Variants in TNKS observed in about 807,000 individuals in gnomAD.
TNKS encodes tankyrase, also known as poly [ADP-ribose] polymerase tankyrase-1.
In TNKS, 72 loss-of-function variants were observed where a neutral mutation model predicts 135.8. The ratio of observed to expected loss-of-function variants is 0.53; its 90% CI spans 0.44 to 0.64. The LOEUF is 0.64. Ranked by LOEUF, TNKS falls within the 30% of genes least tolerant of loss-of-function variation. The probability of loss-of-function intolerance (pLI) is 0.00; values close to 1 mark genes in which losing one functional copy is unlikely to be tolerated. For synonymous variants in TNKS, 849 were observed against 649.3 expected (o/e 1.31, Z -4.68); for missense variants, 1,769 against 1,674.0 (o/e 1.06, Z -0.99).
intron 5 of TNKS, among the ~76,000 whole-genome samples, chr8:9,691,521 A>T (rs1418594321): frequency 6.6e-6 from 1 of 152,118 alleles, no homozygotes; most frequent in African/African-American, 2.4e-5. Context: ...CCCCCACACA[A>T]AGGAAAATTA....
At position 9,636,224 on chromosome 8, in the gene TNKS, G is replaced by A. The variant is rs553139873; in HGVS notation, c.994+20547G>A. Among the ~76,000 whole-genome samples the A allele has an allele frequency of 1.4e-4, 21 of 152,244 alleles. 2 individuals are homozygous for A. The highest frequency in any genetic ancestry group is 5.1e-4 in the African/African-American group (21 of 41,560). ...AGTAGGTGAGATGGAGGATATGGAGGAGCCCCTTGTACTAATTTTGCAAAT... is the reference window on the plus strand; with the variant it reads ...AGTAGGTGAGATGGAGGATATGGAGAAGCCCCTTGTACTAATTTTGCAAAT... On this transcript the variant is annotated intron_variant, in intron 3 of 26. Transcript: ENST00000310430.
At chr8:9,563,774 T>C (rs1797424699) in intron 1 of TNKS, among the ~76,000 whole-genome samples, 1 of 152,194 alleles carries the variant, frequency 6.6e-6, no homozygotes, top group African/African-American at 2.4e-5. Context: ...TTTGTCTGCT[T>C]TGTGGGCATT....
At chr8:9,619,149 A>C (rs986851095) in intron 3 of TNKS, among the ~76,000 whole-genome samples, 1 of 152,188 alleles carries the variant, frequency 6.6e-6, no homozygotes, top group African/African-American at 2.4e-5. Context: ...TGGACATGGT[A>C]GATACCTCTG....
At chr8:9,652,557 A>G (rs4841192) in intron 3 of TNKS, among the ~76,000 whole-genome samples, 35,435 of 152,082 alleles carry the variant, frequency 0.23, 5,537 homozygotes, top group Non-Finnish European at 0.34. Flanking sequence ...GTTTTCTTAT[A>G]AAGTTAGTGG....
intron 11 of TNKS, among the ~76,000 whole-genome samples, chr8:9,711,534 T>C (rs7829413): frequency 0.97 from 147,643 of 152,272 alleles, 71,722 homozygotes; most frequent in East Asian, 1. Flanking sequence ...GCTTTTATAG[T>C]GTAAAAAGGT....
chr8:9,776,878 A>G lies in TNKS; in HGVS notation c.*142A>G. Reference sequence around the variant, plus strand: ...TTTGTCTTCTATAAAGCATTGCTATAGTGATGAATAGTATGAGTAACTGAT... The same window carrying G: ...TTTGTCTTCTATAAAGCATTGCTATGGTGATGAATAGTATGAGTAACTGAT... On this transcript the variant is annotated 3_prime_UTR_variant, in exon 27 of 27. Coordinates refer to ENST00000310430, the MANE Select transcript of TNKS (RefSeq NM_003747.3). The G allele has an allele frequency of 1.4e-6, 1 of 713,074 alleles. No individual in the cohort carries two copies. The highest frequency in any genetic ancestry group is 2.3e-6 in the Non-Finnish European group (1 of 431,596). The allele number at this position is 713,074 out of a possible 1,614,324, so 44.2% of individuals were successfully genotyped here.
At chr8:9,726,266 G>A (rs1041925565) in intron 12 of TNKS, among the ~76,000 whole-genome samples, 7 of 152,058 alleles carry the variant, frequency 4.6e-5, no homozygotes, top group African/African-American at 1.2e-4. Context: ...TGGTGTACAC[G>A]TGTGGTCTCA....
chr8:9,710,086 A>C, intron 10 of TNKS, 40 bp downstream of exon 10: 2 of 1,612,236 alleles, frequency 1.2e-6, no homozygotes. Context: ...GTTCCTAAAG[A>C]GGAAATGCAA....
At chr8:9,628,001 C>T (rs1310368097) in intron 3 of TNKS, among the ~76,000 whole-genome samples, 1 of 152,180 alleles carries the variant, frequency 6.6e-6, no homozygotes, top group Non-Finnish European at 1.5e-5. Flanking sequence ...GGAGAAACAT[C>T]CTGCTTCTTT....
At chr8:9,663,431 G>A (rs759092554) in intron 3 of TNKS, among the ~76,000 whole-genome samples, 21 of 152,050 alleles carry the variant, frequency 1.4e-4, no homozygotes, top group Non-Finnish European at 2.8e-4. Flanking sequence ...TTGTTTTACT[G>A]CTTATTTCAC....
chr8:9,569,569 AC>A (rs2129051127), intron 1 of TNKS, among the ~76,000 whole-genome samples: 1 of 152,160 alleles, frequency 6.6e-6, no homozygotes, highest in Non-Finnish European at 1.5e-5. Context: ...ACCACTACTT[AC>A]CCATTCTACT....
chr8:9,572,093 T>C (rs1797777291), intron 1 of TNKS, among the ~76,000 whole-genome samples: 1 of 152,202 alleles, frequency 6.6e-6, no homozygotes, highest in African/African-American at 2.4e-5. Context: ...ATTCATGATA[T>C]ATAGACATAA....
intron 17 of TNKS, 127 bp downstream of exon 17, chr8:9,735,613 A>C (rs1441843321): frequency 1.5e-5 from 10 of 673,010 alleles, no homozygotes; most frequent in African/African-American, 1.4e-4. Context: ...ATCCTGGCTA[A>C]CACGGTGAAA....
intron 3 of TNKS, among the ~76,000 whole-genome samples, chr8:9,632,825 G>T (rs1231742451): frequency 6.6e-6 from 1 of 152,154 alleles, no homozygotes; most frequent in Non-Finnish European, 1.5e-5. Context: ...CGCCTCCCGG[G>T]TTCATACCAT....
In TNKS at chr8:9,777,867, T is replaced by C. The variant is rs1458231062; in HGVS notation, c.*1131T>C. ...AATGCTGGGATTCAGACTCGAATAG[T>C]GGATAGATACACACAAATGCAAGGA... On this transcript the variant is annotated 3_prime_UTR_variant, in exon 27 of 27. Coordinates refer to ENST00000310430, the MANE Select transcript of TNKS (RefSeq NM_003747.3). 1 of 152,570 alleles carries C rather than the reference T, an allele frequency of 6.6e-6. No homozygotes were observed. The highest frequency in any genetic ancestry group is 1.5e-5 in the Non-Finnish European group (1 of 68,032). The allele number at this position is 152,570 out of a possible 1,614,324, so 9.5% of individuals were successfully genotyped here. A position where few individuals can be genotyped will look rare whatever the true frequency, so the allele number is the denominator to read the frequency against.
intron 20 of TNKS, among the ~76,000 whole-genome samples, chr8:9,758,795 T>C (rs779269854): frequency 2.6e-4 from 39 of 152,242 alleles, no homozygotes; most frequent in Admixed American, 5.2e-4. Flanking sequence ...TGCTGCTGCT[T>C]GATAAATTAC....
At chr8:9,770,366 C>A in intron 26 of TNKS, 104 bp downstream of exon 26, 1 of 1,197,964 alleles carries the variant, frequency 8.3e-7, no homozygotes, top group Non-Finnish European at 1.2e-6. Context: ...ATCCACCACA[C>A]AGTGTGCTAG....
intron 5 of TNKS, among the ~76,000 whole-genome samples, chr8:9,695,312 A>C (rs1803460455): frequency 6.6e-6 from 1 of 152,190 alleles, no homozygotes. Context: ...TTTATTAAGA[A>C]GATATGTATG....
Position 9,763,209 on chromosome 8 carries a change from C to G in TNKS, c.3337C>G (p.Pro1113Ala), listed in dbSNP as rs754949076. 1.9e-6 allele frequency: 3 copies of G among 1,607,142 alleles called. No homozygotes were observed. Among genetic ancestry groups the G allele is most frequent in the Non-Finnish European group, 2.6e-6 (3 of 1,175,896 alleles). Residue 1113 changes from proline to alanine, a missense_variant, in exon 22 of 27, where the codon CCA becomes GCA. By Grantham distance (27) the Pro-to-Ala change is conservative. Around this residue, in one of 5 missense-constraint regions of TNKS, gnomAD observed 722 missense variants for 688.9 expected, o/e 1.05. Coordinates refer to ENST00000310430, the MANE Select transcript of TNKS (RefSeq NM_003747.3). ...GGGAACGATTTTGCTGGATCTTGCTCCAGAAGATAAAGAATATCAGTCAGT... is the reference window on the plus strand; with the variant it reads ...GGGAACGATTTTGCTGGATCTTGCTGCAGAAGATAAAGAATATCAGTCAGT... The part of the protein sequence containing the change: ...NQGTILLDLA[P>A]EDKEYQSVEE...
Sources: allele counts gnomAD v4.1 joint callset (sites outside exome capture counted in the v4.1 genomes callset), GRCh38; gene constraint gnomAD v4.1.1; regional missense constraint gnomAD v4.1.1; transcripts MANE v1.5; gene names NCBI Gene and HGNC (gene_info 2026-07-23, HGNC 2026-07-21).